Variants in PML observed in about 807,000 individuals in gnomAD.
PML encodes PML nuclear body scaffold, also known as protein PML.
PML carries 28 observed loss-of-function variants against 65.2 expected under a neutral mutation model. The observed-to-expected ratio is 0.43, with a 90% confidence interval of 0.32 to 0.59. PML has a LOEUF of 0.59. Among genes scored for constraint, PML ranks in the 20% least tolerant of loss-of-function variants. PML has a pLI of 0.08. For synonymous variants in PML, 500 were observed against 508.8 expected (o/e 0.98, Z 0.23); for missense variants, 1,021 against 1,203.4 (o/e 0.85, Z 2.24).
At chr15:74,007,046 A>G (rs1034771041) in intron 2 of PML, among the ~76,000 whole-genome samples, 1 of 152,228 alleles carries the variant, frequency 6.6e-6, no homozygotes, top group Non-Finnish European at 1.5e-5. Flanking sequence ...TTTGGTAAAT[A>G]TATGGGAACT....
At position 74,044,910 on chromosome 15, in the gene PML, G is replaced by A; in HGVS notation, c.2551G>A (p.Glu851Lys). The A allele has an allele frequency of 6.2e-7, 1 of 1,613,564 alleles. No individual in the cohort carries two copies. The highest frequency in any genetic ancestry group is 1.3e-5 in the African/African-American group (1 of 75,066). ...FNLQALGTYF[E>K]GLLEGPALAR... The stretch of plus-strand genomic sequence containing the variant: ...CCTGCAGGCTCTGGGCACCTACTTT[G>A]AAGGCCTGTTGGAGGGTCCGGCGCT... Residue 851 changes from glutamate (E) to lysine (K), a missense_variant, in exon 9 of 9, where the codon GAA becomes AAA. Physicochemically the swap from Glu to Lys is moderately conservative, Grantham distance 56. Coordinates refer to ENST00000268058, the MANE Select transcript of PML (RefSeq NM_033238.3).
Position 73,998,006 on chromosome 15 carries a change from A to G in PML, c.132A>G (p.Arg44=), listed in dbSNP as rs2069586360. 2 of 1,611,842 alleles carry G rather than the reference A, an allele frequency of 1.2e-6. No homozygotes were observed. Among genetic ancestry groups the G allele is most frequent in the Middle Eastern group, 2.2e-4 (1 of 4,550 alleles). ...CACCTGCCTCTCTGGTCCCCCAGCG[A>G]GCCCCCGCTTCGGAGGAGGAGTTCC... The part of the protein sequence containing the change: ...QPSPSPSPTE[R]APASEEEFQF... Residue 44 remains arginine, a splice_region_variant and synonymous_variant, in exon 2 of 9, where the codon CGA becomes CGG. Transcript: ENST00000268058.
intron 1 of PML, among the ~76,000 whole-genome samples, chr15:73,995,719 GTTGT>G (rs1188103469): frequency 4.6e-5 from 7 of 152,048 alleles, no homozygotes; most frequent in Admixed American, 2.0e-4. Flanking sequence ...TTTTTTTGTT[GTTGT>G]TTGTTTGTTT....
At position 74,044,868 on chromosome 15, in the gene PML, G is replaced by T; in HGVS notation, c.2509G>T (p.Ala837Ser). 1 of 1,613,538 alleles carries T rather than the reference G, an allele frequency of 6.2e-7. No homozygotes were observed. The highest frequency in any genetic ancestry group is 8.5e-7 in the Non-Finnish European group (1 of 1,180,030). ...LSLQTTTLPP[A>S]QPAFNLQALG... ...CCTGCAGACCACCACGTTGCCCCCT[G>T]CCCAGCCTGCTTTCAACCTGCAGGC... is the stretch of plus-strand genomic sequence containing the variant. Residue 837 changes from alanine (A) to serine (S), a missense_variant, in exon 9 of 9, where the codon GCC (alanine) becomes TCC (serine). Physicochemically the swap from Ala to Ser is moderately conservative, Grantham distance 99. Transcript: ENST00000268058.
In PML at chr15:74,044,563, C is replaced by A; in HGVS notation, c.2204C>A (p.Ala735Glu). 1.2e-6 allele frequency: 2 copies of A among 1,612,654 alleles called. No homozygotes were observed. The highest frequency in any genetic ancestry group is 8.5e-7 in the Non-Finnish European group (1 of 1,180,022). Residue 735 changes from alanine (A) to glutamate (E), a missense_variant, in exon 9 of 9, where the codon GCG (alanine) becomes GAG (glutamate). By Grantham distance (107) the Ala-to-Glu change is moderately radical (BLOSUM62 -1). Coordinates refer to ENST00000268058, the MANE Select transcript of PML (RefSeq NM_033238.3). ...AAGAACCTGGCCCAGACCTACCTGG[C>A]GAGAAACATGAGCGAGCGCAGCGCC... ...KLKNLAQTYL[A>E]RNMSERSAMA...
chr15:74,028,620 C>A (rs963783354), intron 4 of PML, among the ~76,000 whole-genome samples: 1 of 152,184 alleles, frequency 6.6e-6, no homozygotes, highest in South Asian at 2.1e-4. Flanking sequence ...TTTTCATCTT[C>A]CCAAGCTGGA....
At chr15:74,016,981 T>C (rs1042493424) in intron 2 of PML, among the ~76,000 whole-genome samples, 18 of 151,708 alleles carry the variant, frequency 1.2e-4, no homozygotes, top group African/African-American at 4.1e-4. Flanking sequence ...TATTTTTTAG[T>C]AGAGATGGGG....
At position 74,016,792 on chromosome 15, in the gene PML, C is replaced by CTTTTTTTT. The variant is rs535665071; in HGVS notation, c.603-6021_603-6014dup. On this transcript the variant is annotated intron_variant, in intron 2 of 8. Coordinates refer to ENST00000268058, the MANE Select transcript of PML (RefSeq NM_033238.3). Reference sequence around the variant, plus strand: ...TTTTGAATTTTTTAGGCAGTGGCATCTTTTTTTTTTTTTTTTTTTTTTGAG... The same window carrying CTTTTTTTT: ...TTTTGAATTTTTTAGGCAGTGGCATCTTTTTTTTTTTTTTTTTTTTTTTTTTTTTTGAG... Among the ~76,000 whole-genome samples the CTTTTTTTT allele has an allele frequency of 5.8e-3, 448 of 77,628 alleles. 85 individuals carry two copies. Among genetic ancestry groups the CTTTTTTTT allele is most frequent in the East Asian group, 0.03 (67 of 2,254 alleles). 50.9% of individuals were successfully genotyped at this position (77,628 alleles called of 152,430 possible). A position where few individuals can be genotyped will look rare whatever the true frequency, so the allele number is the denominator to read the frequency against.
Position 74,035,534 on chromosome 15 carries a change from C to T in PML, c.1710+1004C>T, listed in dbSNP as rs756042432. 1 of 1,610,766 alleles carries T rather than the reference C, an allele frequency of 6.2e-7. No homozygotes were observed. The highest frequency in any genetic ancestry group is 2.2e-5 in the East Asian group (1 of 44,824). ...TTCGGACTTGGTCTCCCCATGTGGT[C>T]CAAGCCAGCACTCCTGCCATCACAG... On this transcript the variant is annotated intron_variant, in intron 7 of 8. Transcript: ENST00000268058. The surrounding 1 kb of genome is among the most constrained non-coding windows in gnomAD (Gnocchi z 4.1).
intron 2 of PML, among the ~76,000 whole-genome samples, chr15:74,014,412 A>G (rs1239930407): frequency 6.7e-6 from 1 of 149,418 alleles, no homozygotes; most frequent in Admixed American, 6.7e-5. Flanking sequence ...GCTCACTGCA[A>G]CCTCTGCCTC....
In PML at chr15:74,042,972, GT is replaced by G; in HGVS notation, c.1711-12del. 6.2e-7 allele frequency: 1 copy of G among 1,613,528 alleles called. No individual in the cohort carries two copies. Among genetic ancestry groups the G allele is most frequent in the Non-Finnish European group, 8.5e-7 (1 of 1,179,958 alleles). On this transcript the variant is annotated splice_polypyrimidine_tract_variant and intron_variant, in intron 7 of 8. Coordinates refer to ENST00000268058, the MANE Select transcript of PML (RefSeq NM_033238.3). The surrounding 1 kb of genome is among the most constrained non-coding windows in gnomAD (Gnocchi z 5.3). ...TGGCCCTCTGAATCCCTGACGCTTG[GT>G]TTTTCTGTGTTGCAGTCCTCCCGAG...
At chr15:74,036,965 C>G (rs1272353241) in intron 7 of PML, 1 of 985,350 alleles carries the variant, frequency 1.0e-6, no homozygotes, top group Non-Finnish European at 1.2e-6. Flanking sequence ...CCGCGCACTC[C>G]CCATTTCATC....
At chr15:74,017,822 T>C (rs949441822) in intron 2 of PML, among the ~76,000 whole-genome samples, 2 of 152,148 alleles carry the variant, frequency 1.3e-5, no homozygotes, top group Admixed American at 1.3e-4. Flanking sequence ...TGTTATCCCT[T>C]CCTTACACTG....
intron 1 of PML, among the ~76,000 whole-genome samples, chr15:73,996,023 A>G (rs2069483627): frequency 6.6e-6 from 1 of 152,184 alleles, no homozygotes; most frequent in African/African-American, 2.4e-5. Flanking sequence ...AAGTGCTGGG[A>G]TTACAGGCAT....
At chr15:74,000,592 G>C (rs2069716633) in intron 2 of PML, among the ~76,000 whole-genome samples, 1 of 152,170 alleles carries the variant, frequency 6.6e-6, no homozygotes, top group Non-Finnish European at 1.5e-5. Context: ...ACAGGTGTGA[G>C]CCACTGTACC....
intron 2 of PML, among the ~76,000 whole-genome samples, chr15:74,012,401 C>T (rs938995863): frequency 1.4e-4 from 22 of 152,236 alleles, no homozygotes; most frequent in African/African-American, 4.6e-4. Context: ...GTCTTGAACT[C>T]CTGACCTCGT....
intron 2 of PML, among the ~76,000 whole-genome samples, chr15:74,006,389 T>TC (rs2070052825): frequency 3.7e-5 from 1 of 27,350 alleles, no homozygotes; most frequent in East Asian, 7.2e-4. Context: ...AGACTCCGTC[T>TC]CAAAAAAAAA....
rs1177974439 is a variant in PML at position 73,994,851 on chromosome 15, G to A, written c.39G>A (p.Gln13=). The part of the protein sequence containing the change: ...PAPARSPRPQ[Q]DPARPQEPTM... ...CCGCCCGATCTCCGAGGCCCCAGCA[G>A]GACCCCGCCCGGCCCCAGGAGCCCA... Residue 13 remains glutamine, a synonymous_variant, in exon 1 of 9, where the codon CAG becomes CAA. Transcript: ENST00000268058. 2 of 1,559,454 alleles carry A rather than the reference G, an allele frequency of 1.3e-6. No individual in the cohort carries two copies. The highest frequency in any genetic ancestry group is 1.7e-4 in the Middle Eastern group (1 of 5,896).
intron 2 of PML, among the ~76,000 whole-genome samples, chr15:74,017,234 T>C (rs2070634382): frequency 6.6e-6 from 1 of 152,234 alleles, no homozygotes; most frequent in Non-Finnish European, 1.5e-5. Context: ...TGTGATTCAT[T>C]GGAAGCATAT....
Sources: gnomAD v4.1 joint callset for allele counts (sites outside exome capture counted in the v4.1 genomes callset) on GRCh38, gnomAD v4.1.1 for gene constraint, Gnocchi (gnomAD v3.1) non-coding constraint, MANE v1.5 for transcripts, NCBI Gene and HGNC (gene_info 2026-07-23, HGNC 2026-07-21) for gene names.